The following GRM7 variants were observed in gnomAD, a reference collection of about 807,000 sequenced individuals.
GRM7 encodes metabotropic glutamate receptor 7.
In GRM7, 35 loss-of-function variants were observed where a neutral mutation model predicts 84.5. That is an observed-to-expected ratio of 0.41 (90% confidence interval 0.32 to 0.55). The LOEUF (loss-of-function observed/expected upper bound fraction) is 0.55, where lower values mean the gene tolerates loss of function less well. Ranked by LOEUF, GRM7 falls within the 20% of genes least tolerant of loss-of-function variation. The pLI is 0.19. For missense variants in GRM7, 1,003 were observed against 1,194.6 expected, an observed-to-expected ratio of 0.84 and a Z score of 2.36; for synonymous variants, 487 against 455.1, an observed-to-expected ratio of 1.07 and a Z score of -0.89.
chr3:6,866,775 C>G (rs1395838195), intron 1 of GRM7, among the ~76,000 whole-genome samples: 1 of 152,170 alleles, frequency 6.6e-6, no homozygotes, highest in Non-Finnish European at 1.5e-5. Flanking sequence ...TGACATCCTG[C>G]CTATCTTCCT....
intron 1 of GRM7, among the ~76,000 whole-genome samples, chr3:7,049,352 C>T (rs182398906): frequency 5.5e-4 from 83 of 152,100 alleles, no homozygotes; most frequent in African/African-American, 1.8e-3. Context: ...AGCAAAGTCA[C>T]ATCTTACATG....
chr3:6,942,377 C>T (rs1337483602), intron 1 of GRM7, among the ~76,000 whole-genome samples: 1 of 152,040 alleles, frequency 6.6e-6, no homozygotes, highest in Non-Finnish European at 1.5e-5. Context: ...CTGTAAAACC[C>T]ATCACCACAA....
intron 1 of GRM7, among the ~76,000 whole-genome samples, chr3:6,882,081 C>G (rs1212265987): frequency 6.6e-6 from 1 of 152,014 alleles, no homozygotes; most frequent in Non-Finnish European, 1.5e-5. Context: ...TCTCATCCAC[C>G]TTAGTATCAG....
intron 2 of GRM7, among the ~76,000 whole-genome samples, chr3:7,227,871 T>G (rs933824974): frequency 1.3e-5 from 2 of 152,196 alleles, no homozygotes; most frequent in African/African-American, 2.4e-5. Context: ...TAGATTATTG[T>G]AATTCCAGGA....
At chr3:7,478,658 C>G (rs944835281) in intron 7 of GRM7, among the ~76,000 whole-genome samples, 1 of 152,074 alleles carries the variant, frequency 6.6e-6, no homozygotes, top group African/African-American at 2.4e-5. Context: ...CATGGGCAGG[C>G]CATGGGCATC....
At chr3:7,485,151 C>G (rs1194342072) in intron 7 of GRM7, among the ~76,000 whole-genome samples, 2 of 152,178 alleles carry the variant, frequency 1.3e-5, no homozygotes, top group Non-Finnish European at 2.9e-5. Context: ...ATAAAAGAGA[C>G]TGTGAACCAG....
chr3:7,398,895 C>A (rs1471241432), intron 4 of GRM7, among the ~76,000 whole-genome samples: 2 of 152,030 alleles, frequency 1.3e-5, no homozygotes, highest in Non-Finnish European at 2.9e-5. Context: ...CCTCTTTCTA[C>A]TTCTCTGACA....
chr3:7,499,549 G>A (rs1699816261), intron 7 of GRM7, among the ~76,000 whole-genome samples: 1 of 152,108 alleles, frequency 6.6e-6, no homozygotes, highest in Non-Finnish European at 1.5e-5. Flanking sequence ...TATTTTAAAT[G>A]CTTTACATGT....
intron 1 of GRM7, among the ~76,000 whole-genome samples, chr3:6,948,664 C>T (rs2125065931): frequency 6.6e-6 from 1 of 152,174 alleles, no homozygotes; most frequent in East Asian, 1.9e-4. Context: ...GTGTTAAAGT[C>T]TCCCATTATT....
chr3:7,644,012 A>G (rs1365267803), intron 8 of GRM7, among the ~76,000 whole-genome samples: 2 of 41,720 alleles, frequency 4.8e-5, no homozygotes, highest in African/African-American at 2.3e-4. Context: ...CCATGTATAT[A>G]TATATATACA....
chr3:7,291,581 A>G (rs1699629958), intron 2 of GRM7, among the ~76,000 whole-genome samples: 1 of 147,280 alleles, frequency 6.8e-6, no homozygotes, highest in Middle Eastern at 3.3e-3. Context: ...TATTTTTACC[A>G]AGGGAGTAAA....
At chr3:6,873,273 A>G (rs1356478893) in intron 1 of GRM7, among the ~76,000 whole-genome samples, 4 of 152,166 alleles carry the variant, frequency 2.6e-5, no homozygotes, top group Admixed American at 2.6e-4. Flanking sequence ...GGGTTTCACC[A>G]TACTGGCCAG....
intron 1 of GRM7, among the ~76,000 whole-genome samples, chr3:6,930,882 G>A (rs2048896714): frequency 6.6e-6 from 1 of 152,136 alleles, no homozygotes; most frequent in African/African-American, 2.4e-5. Flanking sequence ...AAACTATGAA[G>A]TTATTAAAGG....
chr3:7,267,200 A>G (rs1197145500), intron 2 of GRM7, among the ~76,000 whole-genome samples: 1 of 152,242 alleles, frequency 6.6e-6, no homozygotes, highest in Non-Finnish European at 1.5e-5. Flanking sequence ...ACAGGAAATC[A>G]AAAGCTCCAA....
At chr3:7,458,200 G>A (rs1402247428) in intron 6 of GRM7, among the ~76,000 whole-genome samples, 2 of 152,088 alleles carry the variant, frequency 1.3e-5, no homozygotes, top group Non-Finnish European at 2.9e-5. Flanking sequence ...GGGAGATTTC[G>A]GGCTTCAGTA....
chr3:7,046,767 T>C (rs139137237), intron 1 of GRM7, among the ~76,000 whole-genome samples: 2 of 152,210 alleles, frequency 1.3e-5, no homozygotes, highest in Non-Finnish European at 2.9e-5. Flanking sequence ...TTCTGATGGA[T>C]AGCGCTTCAG....
chr3:7,457,912 G>C (rs974643604), intron 6 of GRM7, among the ~76,000 whole-genome samples: 1 of 152,124 alleles, frequency 6.6e-6, no homozygotes, highest in Non-Finnish European at 1.5e-5. Context: ...GTGGACCAGA[G>C]AGCTGCTGTC....
chr3:7,172,677 T>G (rs1230036934), intron 2 of GRM7, among the ~76,000 whole-genome samples: 1 of 151,964 alleles, frequency 6.6e-6, no homozygotes, highest in African/African-American at 2.4e-5. Context: ...AATTTTTGAG[T>G]ATTTGTTGGC....
chr3:7,718,421 A>G (rs1226971916), intron 9 of GRM7, among the ~76,000 whole-genome samples: 2 of 152,222 alleles, frequency 1.3e-5, no homozygotes, highest in Non-Finnish European at 2.9e-5. Context: ...TTTAGGTATA[A>G]CAAAAGAGAA....
Sources: gnomAD v4.1 joint callset for allele counts (sites outside exome capture counted in the v4.1 genomes callset) on GRCh38, gnomAD v4.1.1 for gene constraint, MANE v1.5 for transcripts, NCBI Gene and HGNC (gene_info 2026-07-23, HGNC 2026-07-21) for gene names.